The following CHST12 variants were observed in gnomAD, a reference collection of about 807,000 sequenced individuals.
CHST12 encodes the protein carbohydrate sulfotransferase 12, also known as carbohydrate (chondroitin 4) sulfotransferase 12.
CHST12 carries 23 observed loss-of-function variants against 27.9 expected under a neutral mutation model. That is an observed-to-expected ratio of 0.82 (90% CI 0.59 to 1.17). The LOEUF (loss-of-function observed/expected upper bound fraction) is 1.17. Among genes scored for constraint, CHST12 ranks in the 50% most tolerant of loss-of-function variants. The probability of loss-of-function intolerance (pLI) is 0.00; values close to 1 mark genes in which losing one functional copy is unlikely to be tolerated. For synonymous variants in CHST12, 322 were observed against 273.0 expected, an observed-to-expected ratio of 1.18 and a Z score of -1.77; for missense variants, 682 against 603.0, an observed-to-expected ratio of 1.13 and a Z score of -1.37.
rs924512205 is a variant in CHST12 at position 2,448,386 on chromosome 7, G to C, written c.*14502G>C. The C allele has an allele frequency of 6.6e-6, 1 of 152,358 alleles. No individual in the cohort carries two copies. The highest frequency in any genetic ancestry group is 1.9e-4 in the East Asian group (1 of 5,194). The allele number at this position is 152,358 out of a possible 1,614,324, so 9.4% of individuals were successfully genotyped here. A position where few individuals can be genotyped will look rare whatever the true frequency, so the allele number is the denominator to read the frequency against. ...TGCCCCCTGTTAATGGCACCCACCAGTCCTTGTCCAAACCTCGAAGCTCAG... is the reference window on the plus strand; with the variant it reads ...TGCCCCCTGTTAATGGCACCCACCACTCCTTGTCCAAACCTCGAAGCTCAG... On this transcript the variant is annotated 3_prime_UTR_variant, in exon 2 of 2. Coordinates refer to ENST00000618655, the MANE Select transcript of CHST12 (RefSeq NM_018641.5).
At chr7:2,428,511 C>T (rs996608744) in intron 1 of CHST12, among the ~76,000 whole-genome samples, 1 of 152,084 alleles carries the variant, frequency 6.6e-6, no homozygotes, top group African/African-American at 2.4e-5. Flanking sequence ...CGGGGGGTGA[C>T]CGCCTTCTGG....
chr7:2,433,965 A>T lies in CHST12; in HGVS notation c.*81A>T, dbSNP rs1174041381. On this transcript the variant is annotated 3_prime_UTR_variant, in exon 2 of 2. Transcript: ENST00000618655. This position sits in a 1 kb window ranked among gnomAD's most constrained non-coding sequence, Gnocchi z 6.1. ...GTTTTTTTATGACCTACGATTTTGC[A>T]ATCTGGGCTTCTTGTTCACTCCACT... 8.0e-7 allele frequency: 1 copy of T among 1,244,624 alleles called. No homozygotes were observed. Among genetic ancestry groups the T allele is most frequent in the Non-Finnish European group, 1.1e-6 (1 of 888,954 alleles). 77.1% of individuals were successfully genotyped at this position (1,244,624 alleles called of 1,614,324 possible).
chr7:2,404,029 A>C (rs934735345), intron 1 of CHST12: 5 of 152,012 alleles, frequency 3.3e-5, no homozygotes, highest in African/African-American at 9.7e-5. Flanking sequence ...GGCCCCCAGG[A>C]GTCCCCCTGC....
chr7:2,404,992 G>A (rs1383325838), intron 1 of CHST12, among the ~76,000 whole-genome samples: 1 of 152,152 alleles, frequency 6.6e-6, no homozygotes, highest in African/African-American at 2.4e-5. Context: ...AACAGAATGT[G>A]GCGACATTTT....
At chr7:2,418,104 CCA>C (rs1489087128) in intron 1 of CHST12, among the ~76,000 whole-genome samples, 1 of 152,226 alleles carries the variant, frequency 6.6e-6, no homozygotes, top group African/African-American at 2.4e-5. Flanking sequence ...AGTGTTTTGC[CCA>C]CAGTCAGCAT....
At chr7:2,417,471 C>A (rs2115404682) in intron 1 of CHST12, among the ~76,000 whole-genome samples, 1 of 149,916 alleles carries the variant, frequency 6.7e-6, no homozygotes, top group Admixed American at 6.7e-5. Flanking sequence ...CTCACTGCAA[C>A]CTCCGCCTCC....
At chr7:2,425,473 A>T (rs1782091708) in intron 1 of CHST12, among the ~76,000 whole-genome samples, 1 of 152,132 alleles carries the variant, frequency 6.6e-6, no homozygotes, top group African/African-American at 2.4e-5. Flanking sequence ...CTGCTCAAAC[A>T]TCTAGAAAGA....
Position 2,442,822 on chromosome 7 carries a change from C to G in CHST12, c.*8938C>G, listed in dbSNP as rs548809362. The stretch of plus-strand genomic sequence containing the variant: ...GCCCCGCCTCCCGTCAGATCAGCGG[C>G]GGCATTAGATTCTCATAGGAGCGGG... On this transcript the variant is annotated 3_prime_UTR_variant, in exon 2 of 2. Coordinates refer to ENST00000618655, the MANE Select transcript of CHST12 (RefSeq NM_018641.5). 1.3e-5 allele frequency: 2 copies of G among 152,606 alleles called. No individual in the cohort carries two copies. Among genetic ancestry groups the G allele is most frequent in the Non-Finnish European group, 2.9e-5 (2 of 68,360 alleles). The allele number at this position is 152,606 out of a possible 1,614,324, so 9.5% of individuals were successfully genotyped here. A position where few individuals can be genotyped will look rare whatever the true frequency, so the allele number is the denominator to read the frequency against.
chr7:2,427,442 AG>A (rs1782154795), intron 1 of CHST12, among the ~76,000 whole-genome samples: 1 of 151,298 alleles, frequency 6.6e-6, no homozygotes, highest in African/African-American at 2.4e-5. Context: ...TCAAGGCTGC[AG>A]TGAGCTGTGA....
chr7:2,425,060 G>A (rs1433097741), intron 1 of CHST12, among the ~76,000 whole-genome samples: 1 of 152,044 alleles, frequency 6.6e-6, no homozygotes, highest in Admixed American at 6.6e-5. Flanking sequence ...ACAAAAATTA[G>A]CCAGGTGTGG....
rs78794817 is a variant in CHST12 at position 2,440,436 on chromosome 7, C to T, written c.*6552C>T. ...GTGTGTGTGTGTTTGGAGATTTGGA[C>T]TTGAAAATTCTAGCTCAGGTCTTTG... On this transcript the variant is annotated 3_prime_UTR_variant, in exon 2 of 2. Coordinates refer to ENST00000618655, the MANE Select transcript of CHST12 (RefSeq NM_018641.5). The T allele has an allele frequency of 9.5e-3, 1,457 of 152,914 alleles. 16 individuals carry two copies. The highest frequency in any genetic ancestry group is 0.029 in the African/African-American group (1,221 of 41,556). The allele number at this position is 152,914 out of a possible 1,614,324, so 9.5% of individuals were successfully genotyped here. A position where few individuals can be genotyped will look rare whatever the true frequency, so the allele number is the denominator to read the frequency against.
At position 2,405,150 on chromosome 7, in the gene CHST12, G is replaced by T. The variant is rs112613463; in HGVS notation, c.-78+1477G>T. Reference sequence around the variant, plus strand: ...GTGGGGTTTGAGGATTGGGTTGGAAGCTAAGACTGGAAGGCCGGGCGAGGT... The same window carrying T: ...GTGGGGTTTGAGGATTGGGTTGGAATCTAAGACTGGAAGGCCGGGCGAGGT... On this transcript the variant is annotated intron_variant, in intron 1 of 1. Transcript: ENST00000618655. Among the ~76,000 whole-genome samples, 560 of 152,268 alleles carry T rather than the reference G, an allele frequency of 3.7e-3. 3 individuals are homozygous for T. The highest frequency in any genetic ancestry group is 0.013 in the African/African-American group (529 of 41,572).
chr7:2,433,306 T>C lies in CHST12; in HGVS notation c.667T>C (p.Tyr223His). Residue 223 changes from tyrosine (Y) to histidine (H), a missense_variant, in exon 2 of 2, where the codon TAC becomes CAC. Transcript: ENST00000618655. The surrounding 1 kb of genome is among the most constrained non-coding windows in gnomAD (Gnocchi z 6.1). Reference sequence around the variant, plus strand: ...GACCTTCAACAAGTTCTGGCGCCGCTACGGGAAGCTCTCCCGCCACCTCAT... The same window carrying C: ...GACCTTCAACAAGTTCTGGCGCCGCCACGGGAAGCTCTCCCGCCACCTCAT... ...HLTFNKFWRR[Y>H]GKLSRHLMKV... 4 of 1,612,632 alleles carry C rather than the reference T, an allele frequency of 2.5e-6. No individual in the cohort carries two copies. Among genetic ancestry groups the C allele is most frequent in the South Asian group, 2.2e-5 (2 of 91,082 alleles).
At chr7:2,428,512 C>T (rs776581125) in intron 1 of CHST12, among the ~76,000 whole-genome samples, 5 of 152,034 alleles carry the variant, frequency 3.3e-5, no homozygotes, top group Non-Finnish European at 4.4e-5. Flanking sequence ...GGGGGGTGAC[C>T]GCCTTCTGGT....
rs1782548870 is a variant in CHST12 at position 2,439,434 on chromosome 7, C to T, written c.*5550C>T. 1.3e-5 allele frequency: 2 copies of T among 149,954 alleles called. No homozygotes were observed. Among genetic ancestry groups the T allele is most frequent in the African/African-American group, 4.9e-5 (2 of 40,706 alleles). 9.3% of individuals were successfully genotyped at this position (149,954 alleles called of 1,614,324 possible). On this transcript the variant is annotated 3_prime_UTR_variant, in exon 2 of 2. Transcript: ENST00000618655. Reference sequence around the variant, plus strand: ...ATAATTTGTTCTTTTTTTTTTTTGACAGAGTTTCTTTCTGTCATCCAGGCT... The same window carrying T: ...ATAATTTGTTCTTTTTTTTTTTTGATAGAGTTTCTTTCTGTCATCCAGGCT...
intron 1 of CHST12, among the ~76,000 whole-genome samples, chr7:2,421,728 C>T (rs780500758): frequency 1.3e-5 from 2 of 151,842 alleles, no homozygotes; most frequent in Non-Finnish European, 2.9e-5. Context: ...TGAGCTACTG[C>T]GCCCAGCCTT....
intron 1 of CHST12, among the ~76,000 whole-genome samples, chr7:2,427,100 A>G (rs971136644): frequency 6.6e-6 from 1 of 150,578 alleles, no homozygotes; most frequent in African/African-American, 2.5e-5. Flanking sequence ...CATGAGAATC[A>G]CTTGAACCCG....
At position 2,432,990 on chromosome 7, in the gene CHST12, G is replaced by C. The variant is rs766150878; in HGVS notation, c.351G>C (p.Gln117His). Reference protein sequence around the residue: ...SPRDARRSPDQGRQQAERRSV... With the variant: ...SPRDARRSPDHGRQQAERRSV... ...GCGACGCCCGGCGCAGCCCAGACCA[G>C]GGCCGGCAGCAGGCGGAGCGGAGGA... Residue 117 changes from glutamine to histidine, a missense_variant, in exon 2 of 2, where the codon CAG (glutamine) becomes CAC (histidine). By Grantham distance (24) the Gln-to-His change is conservative. Coordinates refer to ENST00000618655, the MANE Select transcript of CHST12 (RefSeq NM_018641.5). 8 of 1,610,170 alleles carry C rather than the reference G, an allele frequency of 5.0e-6. No individual in the cohort carries two copies. The African/African-American group carries it at 5.3e-5, about 11-fold the overall frequency.
chr7:2,424,020 C>T (rs1029112357), intron 1 of CHST12, among the ~76,000 whole-genome samples: 8 of 152,166 alleles, frequency 5.3e-5, no homozygotes, highest in Non-Finnish European at 2.9e-5. Flanking sequence ...GCACTGTTCT[C>T]CAGCCTGGGC....
Sources: allele counts gnomAD v4.1 joint callset (sites outside exome capture counted in the v4.1 genomes callset), GRCh38; gene constraint gnomAD v4.1.1; non-coding constraint Gnocchi (gnomAD v3.1); transcripts MANE v1.5; gene names NCBI Gene and HGNC (gene_info 2026-07-23, HGNC 2026-07-21).